ZNF2: variants seen among roughly 807,000 people sequenced by gnomAD.
ZNF2 encodes the protein zinc finger protein 2.2.
A neutral mutation model predicts 21.9 loss-of-function variants in ZNF2; 12 were observed. The observed-to-expected ratio is 0.55, with a 90% CI of 0.35 to 0.89. The LOEUF (loss-of-function observed/expected upper bound fraction) is 0.89, where lower values mean the gene tolerates loss of function less well. Among genes scored for constraint, ZNF2 ranks in the 40% least tolerant of loss-of-function variants. The pLI is 0.01. For synonymous variants in ZNF2, 186 were observed against 196.3 expected (o/e 0.95, Z 0.44); for missense variants, 462 against 544.2 (o/e 0.85, Z 1.50).
chr2:95,176,691 AAG>A (rs1324377247), intron 2 of ZNF2, among the ~76,000 whole-genome samples: 5 of 152,184 alleles, frequency 3.3e-5, no homozygotes, highest in African/African-American at 1.2e-4. Flanking sequence ...AAGAGCCCTG[AAG>A]AGAGTCTCCT....
intron 2 of ZNF2, among the ~76,000 whole-genome samples, chr2:95,176,802 T>A (rs939934100): frequency 6.6e-6 from 1 of 152,158 alleles, no homozygotes; most frequent in Non-Finnish European, 1.5e-5. Flanking sequence ...TGGAGACTCA[T>A]CTGAGGTTTT....
chr2:95,178,879 A>G (rs1219554842), intron 3 of ZNF2, among the ~76,000 whole-genome samples: 1 of 152,158 alleles, frequency 6.6e-6, no homozygotes, highest in East Asian at 1.9e-4. Flanking sequence ...AGCCATTACA[A>G]TGGTGAGGTA....
rs1385024491 is a variant in ZNF2, at chr2:95,182,402, C to CT, written c.*299dup. ...AACCTAGGCCCCAGGTATCACTGCA[C>CT]TTTAAGAAACTGGAGGCTGCAACAG... On this transcript the variant is annotated 3_prime_UTR_variant, in exon 5 of 5. Coordinates refer to ENST00000614034, the MANE Select transcript of ZNF2 (RefSeq NM_021088.4). The CT allele has an allele frequency of 2.5e-5, 7 of 285,520 alleles. No homozygotes were observed. Among genetic ancestry groups the CT allele is most frequent in the Admixed American group, 1.4e-4 (3 of 21,484 alleles). 17.7% of individuals were successfully genotyped at this position (285,520 alleles called of 1,614,324 possible).
intron 1 of ZNF2, among the ~76,000 whole-genome samples, chr2:95,175,315 A>G (rs1343883903): frequency 1.3e-5 from 2 of 152,198 alleles, no homozygotes; most frequent in Non-Finnish European, 2.9e-5. Flanking sequence ...GATGGTTTGC[A>G]TGGAAATTGG....
rs180901229 is a variant in ZNF2 at position 95,169,569 on chromosome 2, A to C, written c.-40+3709A>C. 1.8e-4 allele frequency among the ~76,000 whole-genome samples: 27 copies of C among 152,270 alleles called. No homozygotes were observed. In the East Asian group the frequency reaches 4.1e-3, roughly 23 times the overall value. ...CAGGAGTTCAAGACCCGCCCGGCCA[A>C]GATGGTGAAACCCTCTACAAAAATA... On this transcript the variant is annotated intron_variant, in intron 1 of 4. Transcript: ENST00000614034.
chr2:95,181,014 A>G, intron 4 of ZNF2, 89 bp from the exon 5 acceptor site: 3 of 1,465,844 alleles, frequency 2.0e-6, no homozygotes, highest in South Asian at 1.3e-5. Flanking sequence ...GTGACCATAC[A>G]TTACTTTCAG....
Position 95,182,085 on chromosome 2 carries a change from C to T in ZNF2, c.1257C>T (p.Tyr419=), listed in dbSNP as rs369246154. The change falls in exon 5 of 5, where the codon TAC becomes TAT. Residue 419 remains tyrosine, a synonymous_variant. Transcript: ENST00000614034. The part of the protein sequence containing the change: ...KSSVIQHQRR[Y]AKQGID ...CTGTTATTCAACATCAACGGCGTTA[C>T]GCCAAACAGGGAATAGACTGAGTTG... 1.3e-5 allele frequency: 21 copies of T among 1,607,502 alleles called. No homozygotes were observed. The highest frequency in any genetic ancestry group is 8.9e-5 in the East Asian group (4 of 44,760).
In ZNF2 at chr2:95,183,571, C is replaced by T. The variant is rs1425512764; in HGVS notation, c.*1465C>T. The T allele has an allele frequency of 6.6e-6, 1 of 151,566 alleles. No homozygotes were observed. Among genetic ancestry groups the T allele is most frequent in the Non-Finnish European group, 1.5e-5 (1 of 67,968 alleles). 9.4% of individuals were successfully genotyped at this position (151,566 alleles called of 1,614,324 possible). On this transcript the variant is annotated 3_prime_UTR_variant, in exon 5 of 5. Transcript: ENST00000614034. ...CGTGATCCCCATTGCTGAATTTTAC[C>T]TCCTGACTCCAAAAACTCTTCTCTT...
chr2:95,177,660 G>A (rs759433532), intron 3 of ZNF2, 51 bp downstream of exon 3: 3 of 1,565,254 alleles, frequency 1.9e-6, no homozygotes, highest in South Asian at 1.2e-5. Context: ...CTAATGTGGG[G>A]CTGAGAGGGC....
chr2:95,179,027 T>C (rs1355291661), intron 3 of ZNF2, among the ~76,000 whole-genome samples: 6 of 150,652 alleles, frequency 4.0e-5, no homozygotes, highest in African/African-American at 1.5e-4. Context: ...AGTCTCACTC[T>C]GTTGCCTAGG....
chr2:95,177,209 C>T (rs1201792392), intron 2 of ZNF2, among the ~76,000 whole-genome samples: 1 of 152,078 alleles, frequency 6.6e-6, no homozygotes, highest in Non-Finnish European at 1.5e-5. Context: ...GAAGGGTACA[C>T]AGGAATTTTT....
intron 1 of ZNF2, among the ~76,000 whole-genome samples, chr2:95,173,063 A>G (rs1364498402): frequency 1.3e-5 from 2 of 150,286 alleles, no homozygotes; most frequent in Non-Finnish European, 2.9e-5. Flanking sequence ...TCAGATATGT[A>G]CACATTTGCT....
At chr2:95,171,422 A>G (rs1407697336) in intron 1 of ZNF2, among the ~76,000 whole-genome samples, 1 of 146,936 alleles carries the variant, frequency 6.8e-6, no homozygotes, top group Non-Finnish European at 1.5e-5. Context: ...TTGCTCTGTC[A>G]CCCAGGCTAG....
intron 1 of ZNF2, among the ~76,000 whole-genome samples, chr2:95,172,284 G>A (rs577957261): frequency 1.3e-4 from 20 of 152,112 alleles, no homozygotes; most frequent in Admixed American, 5.2e-4. Context: ...GTAGACCACC[G>A]TTATCTCTTA....
intron 1 of ZNF2, among the ~76,000 whole-genome samples, chr2:95,170,053 A>G (rs770995498): frequency 3.0e-4 from 45 of 152,222 alleles, no homozygotes; most frequent in Non-Finnish European, 5.1e-4. Flanking sequence ...CTGTCTCCAG[A>G]GCCTGTACTC....
intron 1 of ZNF2, among the ~76,000 whole-genome samples, chr2:95,174,328 C>T (rs537351113): frequency 6.6e-6 from 1 of 152,260 alleles, no homozygotes; most frequent in East Asian, 1.9e-4. Flanking sequence ...TTTTAAAGCA[C>T]GGATGTGATG....
At chr2:95,180,131 C>A in intron 3 of ZNF2, 28 bp from the exon 4 acceptor site, 1 of 1,497,908 alleles carries the variant, frequency 6.7e-7, no homozygotes, top group Middle Eastern at 1.7e-4. Context: ...CACACAGCCA[C>A]CTGCTTTGTT....
At chr2:95,179,960 G>A (rs1188976433) in intron 3 of ZNF2, among the ~76,000 whole-genome samples, 199 bp from the exon 4 acceptor site, 2 of 152,224 alleles carry the variant, frequency 1.3e-5, no homozygotes. Context: ...GGGAGGCTGA[G>A]GCAGGAGAAT....
chr2:95,176,537 T>G (rs969798532), intron 2 of ZNF2, among the ~76,000 whole-genome samples: 9 of 152,110 alleles, frequency 5.9e-5, no homozygotes, highest in African/African-American at 2.2e-4. Flanking sequence ...ATTGGAAGGT[T>G]TGGGGAATAG....
Sources: gnomAD v4.1 joint callset for allele counts (sites outside exome capture counted in the v4.1 genomes callset) on GRCh38, gnomAD v4.1.1 for gene constraint, MANE v1.5 for transcripts, NCBI Gene and HGNC (gene_info 2026-07-23, HGNC 2026-07-21) for gene names.